Variants in TMEM132C observed in about 807,000 individuals in gnomAD.
TMEM132C encodes transmembrane protein 132C.
TMEM132C carries 29 observed loss-of-function variants against 61.4 expected under a neutral mutation model. That is an observed-to-expected ratio of 0.47 (90% CI 0.35 to 0.64). The LOEUF (loss-of-function observed/expected upper bound fraction) is 0.64. TMEM132C is among the 30% of genes least tolerant of loss of function. TMEM132C has a pLI of 0.00. For missense variants in TMEM132C, 1,408 were observed against 1,476.9 expected, an observed-to-expected ratio of 0.95 and a Z score of 0.76; for synonymous variants, 656 against 633.1, an observed-to-expected ratio of 1.04 and a Z score of -0.54.
intron 2 of TMEM132C, among the ~76,000 whole-genome samples, chr12:128,471,625 C>T (rs144736087): frequency 2.1e-4 from 32 of 152,272 alleles, no homozygotes; most frequent in African/African-American, 5.5e-4. Flanking sequence ...TGCTTGGGTG[C>T]ACAGATCCTG....
intron 1 of TMEM132C, among the ~76,000 whole-genome samples, chr12:128,298,397 T>C (rs1871481458): frequency 6.6e-6 from 1 of 151,968 alleles, no homozygotes; most frequent in Non-Finnish European, 1.5e-5. Context: ...TGTTGATTTT[T>C]TTGTCTGTTT....
At chr12:128,697,493 G>A in intron 8 of TMEM132C, 78 bp downstream of exon 8, 2 of 1,382,844 alleles carry the variant, frequency 1.4e-6, no homozygotes. Context: ...GCAGGGTGGA[G>A]TGAGAAATGG....
chr12:128,632,450 C>A (rs1214146898), intron 4 of TMEM132C, among the ~76,000 whole-genome samples: 2 of 152,178 alleles, frequency 1.3e-5, no homozygotes, highest in Non-Finnish European at 2.9e-5. Context: ...TATTTATGAT[C>A]CATACAGACT....
intron 4 of TMEM132C, 28 bp downstream of exon 4, chr12:128,616,363 C>G (rs767253336): frequency 1.1e-5 from 17 of 1,532,046 alleles, no homozygotes; most frequent in Non-Finnish European, 1.4e-5. Flanking sequence ...TTGGATGCTC[C>G]TGCATTCAGC....
chr12:128,544,057 A>T lies in TMEM132C; in HGVS notation c.1075A>T (p.Thr359Ser), dbSNP rs1165921642. The change falls in exon 3 of 9, where the codon ACG (threonine) becomes TCG (serine). Residue 359 changes from threonine (T) to serine (S), a missense_variant. Transcript: ENST00000435159. ...GGTGGGCAGCGGCGGAAAGCACGTG[A>T]CGGCCACCGTGGCCTGCCAGCGCCT... ...QEVGSGGKHVTATVACQRLGP... is the reference protein window; with the variant it reads ...QEVGSGGKHVSATVACQRLGP... The T allele has an allele frequency of 6.5e-7, 1 of 1,546,252 alleles. No individual in the cohort carries two copies. Among genetic ancestry groups the T allele is most frequent in the Non-Finnish European group, 8.7e-7 (1 of 1,144,434 alleles).
At position 128,340,847 on chromosome 12, in the gene TMEM132C, C is replaced by CTCTGTCTT. The variant is rs748201075; in HGVS notation, c.85+73363_85+73364insGTCTTTCT. On this transcript the variant is annotated intron_variant, in intron 1 of 8. Coordinates refer to ENST00000435159, the MANE Select transcript of TMEM132C (RefSeq NM_001136103.3). ...TCTGTCTTTCTCTCTCTCTCTTTCT[C>CTCTGTCTT]TCTTTCTTTCTTCCTTCCTTCCTTC... Among the ~76,000 whole-genome samples the CTCTGTCTT allele has an allele frequency of 2.4e-3, 345 of 142,142 alleles. 5 individuals are homozygous for CTCTGTCTT. Among genetic ancestry groups the CTCTGTCTT allele is most frequent in the African/African-American group, 8.4e-3 (312 of 37,158 alleles). 93.3% of individuals were successfully genotyped at this position (142,142 alleles called of 152,430 possible).
chr12:128,406,739 A>T (rs912663874), intron 1 of TMEM132C, among the ~76,000 whole-genome samples: 3 of 152,218 alleles, frequency 2.0e-5, no homozygotes. Flanking sequence ...CACCCTTATT[A>T]CGAGTCAGGC....
intron 2 of TMEM132C, among the ~76,000 whole-genome samples, chr12:128,490,079 G>T (rs1435543941): frequency 6.6e-6 from 1 of 152,146 alleles, no homozygotes; most frequent in Admixed American, 6.6e-5. Context: ...CAATTGAAGG[G>T]ACTAAGTATG....
At chr12:128,695,285 C>G (rs1954750964) in intron 6 of TMEM132C, among the ~76,000 whole-genome samples, 1 of 151,998 alleles carries the variant, frequency 6.6e-6, no homozygotes, top group Admixed American at 6.5e-5. Flanking sequence ...TTTGGGAGGC[C>G]AAGGTGGGAG....
At chr12:128,636,268 G>T (rs1164893544) in intron 4 of TMEM132C, among the ~76,000 whole-genome samples, 1 of 152,014 alleles carries the variant, frequency 6.6e-6, no homozygotes, top group Non-Finnish European at 1.5e-5. Flanking sequence ...GCCCAGGCTG[G>T]TCTCAAATTC....
At chr12:128,353,321 C>T (rs1399055070) in intron 1 of TMEM132C, among the ~76,000 whole-genome samples, 2 of 152,118 alleles carry the variant, frequency 1.3e-5, no homozygotes, top group Non-Finnish European at 2.9e-5. Flanking sequence ...GAGATGTGGT[C>T]GTGGTGAAGG....
At chr12:128,683,354 GCT>G (rs1020992743) in intron 5 of TMEM132C, among the ~76,000 whole-genome samples, 3 of 152,226 alleles carry the variant, frequency 2.0e-5, no homozygotes, top group Admixed American at 6.5e-5. Context: ...CTGTGACACT[GCT>G]CTCTCCCGGC....
chr12:128,487,636 C>T lies in TMEM132C; in HGVS notation c.975-56321C>T, dbSNP rs866922709. On this transcript the variant is annotated intron_variant, in intron 2 of 8. Coordinates refer to ENST00000435159, the MANE Select transcript of TMEM132C (RefSeq NM_001136103.3). ...ATATATATATATATATATATGCATGCATATGTGCATGTATACACAGGCACA... is the reference window on the plus strand; with the variant it reads ...ATATATATATATATATATATGCATGTATATGTGCATGTATACACAGGCACA... Among the ~76,000 whole-genome samples the T allele has an allele frequency of 5.2e-3, 718 of 138,480 alleles. 10 individuals carry two copies. The highest frequency in any genetic ancestry group is 0.018 in the African/African-American group (677 of 36,918). The allele number at this position is 138,480 out of a possible 152,430, so 90.8% of individuals were successfully genotyped here.
chr12:128,404,834 A>T (rs1875283471), intron 1 of TMEM132C: 1 of 152,248 alleles, frequency 6.6e-6, no homozygotes, highest in African/African-American at 2.4e-5. Flanking sequence ...ACCATCTCAG[A>T]ATCTGAAAAA....
At position 128,495,667 on chromosome 12, in the gene TMEM132C, T is replaced by C. The variant is rs1164909254; in HGVS notation, c.975-48290T>C. Among the ~76,000 whole-genome samples, 4 of 152,298 alleles carry C rather than the reference T, an allele frequency of 2.6e-5. No individual in the cohort carries two copies. The South Asian group carries it at 6.2e-4, about 24-fold the overall frequency. The stretch of plus-strand genomic sequence containing the variant: ...CTAGGATTGCAACCCCTGCCTTTTT[T>C]TGTTTTCCATTTGCTTGGTAGATCT... On this transcript the variant is annotated intron_variant, in intron 2 of 8. Transcript: ENST00000435159.
chr12:128,358,118 CG>C (rs1362979802), intron 1 of TMEM132C, among the ~76,000 whole-genome samples: 1 of 152,082 alleles, frequency 6.6e-6, no homozygotes, highest in African/African-American at 2.4e-5. Context: ...TGGAGCTGCA[CG>C]GCCCTGGGCA....
At chr12:128,606,223 A>G (rs547100919) in intron 3 of TMEM132C, among the ~76,000 whole-genome samples, 19 of 152,348 alleles carry the variant, frequency 1.2e-4, no homozygotes, top group African/African-American at 4.6e-4. Context: ...TGTGAGGCCC[A>G]TGCAGGCCAC....
At chr12:128,421,067 T>C (rs1459551206) in intron 2 of TMEM132C, among the ~76,000 whole-genome samples, 2 of 152,064 alleles carry the variant, frequency 1.3e-5, no homozygotes, top group Non-Finnish European at 2.9e-5. Context: ...TACACGGTGG[T>C]GAAGTCTGGG....
At chr12:128,365,859 C>G (rs1057377654) in intron 1 of TMEM132C, among the ~76,000 whole-genome samples, 1 of 152,138 alleles carries the variant, frequency 6.6e-6, no homozygotes, top group Non-Finnish European at 1.5e-5. Flanking sequence ...CAGGCTGCCC[C>G]GTTGATTGTG....
Sources: allele counts gnomAD v4.1 joint callset (sites outside exome capture counted in the v4.1 genomes callset), GRCh38; gene constraint gnomAD v4.1.1; transcripts MANE v1.5; gene names NCBI Gene and HGNC (gene_info 2026-07-23, HGNC 2026-07-21).